Variants in F11 observed in about 807,000 individuals in gnomAD.
F11 encodes coagulation factor XI.
In F11, 78 loss-of-function variants were observed where a neutral mutation model predicts 76.5. The ratio of observed to expected loss-of-function variants is 1.02; its 90% confidence interval spans 0.85 to 1.23. F11 has a LOEUF of 1.23. Ranked by LOEUF, F11 falls within the 50% of genes most tolerant of loss-of-function variation. The pLI, the probability that F11 is intolerant of heterozygous loss-of-function variation, is 0.00. For missense variants in F11, 742 were observed against 771.4 expected (o/e 0.96, Z 0.45); for synonymous variants, 278 against 276.3 (o/e 1.01, Z -0.06).
At chr4:186,285,450 T>C (rs967545814) in intron 11 of F11, among the ~76,000 whole-genome samples, 188 bp from the exon 12 acceptor site, 4 of 152,134 alleles carry the variant, frequency 2.6e-5, no homozygotes, top group Non-Finnish European at 5.9e-5. Context: ...TTGTGTATAA[T>C]GGATTTTCTT....
chr4:186,269,817 T>C (rs1739800112), intron 2 of F11, among the ~76,000 whole-genome samples: 1 of 152,224 alleles, frequency 6.6e-6, no homozygotes, highest in South Asian at 2.1e-4. Flanking sequence ...CGAAAAATGC[T>C]TGCTAAAATT....
Position 186,277,067 on chromosome 4 carries a change from C to A in F11, c.755+677C>A, listed in dbSNP as rs183892311. 1.4e-4 allele frequency among the ~76,000 whole-genome samples: 21 copies of A among 152,274 alleles called. No individual in the cohort carries two copies. In the East Asian group the frequency reaches 3.9e-3, roughly 28 times the overall value. On this transcript the variant is annotated intron_variant, in intron 7 of 14. Coordinates refer to ENST00000403665, the MANE Select transcript of F11 (RefSeq NM_000128.4). ...GCCTCACCCTCCTCTATCCTCCCAA[C>A]TCTCTGAGTCTCCAATAGCTTTCAT... is the stretch of plus-strand genomic sequence containing the variant.
chr4:186,280,229 G>A lies in F11; in HGVS notation c.872G>A (p.Cys291Tyr). ...QSCRHSIPVFCHSSFYHDTDF... is the reference protein window; with the variant it reads ...QSCRHSIPVFYHSSFYHDTDF... The stretch of plus-strand genomic sequence containing the variant: ...CATGTGGTCTGCTGTCTAGTGTTCT[G>A]CCATTCTTCATTTTACCATGACACT... Residue 291 changes from cysteine to tyrosine, a missense_variant, in exon 9 of 15, where the codon TGC (cysteine) becomes TAC (tyrosine). Physicochemically the swap from Cys to Tyr is radical, Grantham distance 194. Transcript: ENST00000403665. 6.2e-7 allele frequency: 1 copy of A among 1,614,120 alleles called. No individual in the cohort carries two copies. Among genetic ancestry groups the A allele is most frequent in the Non-Finnish European group, 8.5e-7 (1 of 1,180,038 alleles).
chr4:186,285,899 C>A (rs963661140), intron 12 of F11, 86 bp downstream of exon 12: 3 of 1,367,380 alleles, frequency 2.2e-6, no homozygotes, highest in African/African-American at 2.9e-5. Flanking sequence ...CCTGACCCTG[C>A]CAATCTCTCC....
At chr4:186,272,847 T>C in intron 3 of F11, 3 of 467,012 alleles carry the variant, frequency 6.4e-6, no homozygotes, top group East Asian at 3.7e-5. Context: ...AGTTGACACA[T>C]TCCTGTTTGT....
rs181743139 is a variant in F11 at position 186,283,949 on chromosome 4, A to T, written c.1136-143A>T. 13 of 1,318,758 alleles carry T rather than the reference A, an allele frequency of 9.9e-6. No individual in the cohort carries two copies. In the East Asian group the frequency reaches 3.1e-4, roughly 31 times the overall value. 81.7% of individuals were successfully genotyped at this position (1,318,758 alleles called of 1,614,324 possible). A position where few individuals can be genotyped will look rare whatever the true frequency, so the allele number is the denominator to read the frequency against. On this transcript the variant is annotated intron_variant, in intron 10 of 14. Transcript: ENST00000403665. ...TTTCATGTGCATGTTTTGCTTTGGC[A>T]GCTTGATTATAAAGTCTCTGTAACT...
At chr4:186,280,856 C>CTTTTTTTT (rs33985758) in intron 10 of F11, among the ~76,000 whole-genome samples, 33 of 108,156 alleles carry the variant, frequency 3.1e-4, no homozygotes, top group Non-Finnish European at 4.1e-4. Context: ...TTCTTTCTTT[C>CTTTTTTTT]TTTTTTTTTT....
Position 186,288,512 on chromosome 4 carries a change from C to T in F11, c.1776C>T (p.Ile592=), listed in dbSNP as rs767574045. The change falls in exon 15 of 15, where the codon ATC becomes ATT. Residue 592 remains isoleucine, a synonymous_variant. Coordinates refer to ENST00000403665, the MANE Select transcript of F11 (RefSeq NM_000128.4). ...KHNEVWHLVG[I]TSWGEGCAQR... is the part of the protein sequence containing the mutation. The stretch of plus-strand genomic sequence containing the variant: ...ATGAGGTCTGGCATCTGGTAGGCAT[C>T]ACGAGCTGGGGCGAAGGCTGTGCTC... The T allele has an allele frequency of 1.2e-6, 2 of 1,614,168 alleles. No individual in the cohort carries two copies. The highest frequency in any genetic ancestry group is 1.7e-6 in the Non-Finnish European group (2 of 1,180,024).
chr4:186,289,917 G>A (rs943272212), downstream of F11, among the ~76,000 whole-genome samples: 3 of 151,996 alleles, frequency 2.0e-5, no homozygotes, highest in Non-Finnish European at 4.4e-5. Flanking sequence ...TCCTGACCTC[G>A]TGATCTGCCC....
chr4:186,286,264 A>G, intron 12 of F11, 151 bp from the exon 13 acceptor site: 1 of 752,608 alleles, frequency 1.3e-6, no homozygotes, highest in South Asian at 1.5e-5. Flanking sequence ...TATCGTGCTG[A>G]ACCTGAGGGA....
chr4:186,282,001 G>A (rs975407472), intron 10 of F11: 38 of 1,254,704 alleles, frequency 3.0e-5, no homozygotes, highest in African/African-American at 4.6e-5. Context: ...AGTCAATTAC[G>A]TCGTATCTCA....
intron 7 of F11, 93 bp downstream of exon 7, chr4:186,276,483 T>C (rs533952931): frequency 6.9e-6 from 10 of 1,440,464 alleles, no homozygotes; most frequent in Non-Finnish European, 9.7e-6. Context: ...AAAAATTTAC[T>C]CTAAATGTCA....
intron 10 of F11, chr4:186,282,906 GA>G: frequency 2.0e-6 from 2 of 984,840 alleles, no homozygotes; most frequent in African/African-American, 1.7e-5. Flanking sequence ...TCCTACCAAG[GA>G]AAAAAAGGCC....
At chr4:186,285,569 A>T in intron 11 of F11, 69 bp from the exon 12 acceptor site, 1 of 1,474,660 alleles carries the variant, frequency 6.8e-7, no homozygotes. Flanking sequence ...AAACAGCCAC[A>T]CACTTCACAA....
chr4:186,286,683 T>A (rs1741232322), intron 13 of F11, 173 bp downstream of exon 13: 1 of 985,308 alleles, frequency 1.0e-6, no homozygotes, highest in Admixed American at 6.1e-5. Context: ...GTGCCTCATA[T>A]GTTTGATTGG....
chr4:186,270,244 G>C (rs1364560791), intron 2 of F11, among the ~76,000 whole-genome samples: 2 of 152,154 alleles, frequency 1.3e-5, no homozygotes, highest in East Asian at 3.8e-4. Context: ...GTTCGCAAAA[G>C]CAGATGAACT....
chr4:186,282,169 C>T (rs925001375), intron 10 of F11: 2 of 1,124,334 alleles, frequency 1.8e-6, no homozygotes, highest in Non-Finnish European at 1.1e-6. Flanking sequence ...GGAATGAGCA[C>T]GTATACCTCA....
intron 7 of F11, among the ~76,000 whole-genome samples, chr4:186,277,546 T>C (rs1740476925): frequency 6.6e-6 from 1 of 152,164 alleles, no homozygotes; most frequent in African/African-American, 2.4e-5. Context: ...TTCAGTCCAA[T>C]GCTTTGTTTA....
chr4:186,282,370 A>C (rs1159659616), intron 10 of F11: 3 of 985,294 alleles, frequency 3.0e-6, no homozygotes, highest in African/African-American at 1.7e-5. Flanking sequence ...GAATTAGATA[A>C]CTAGGTTTTT....
Sources: gnomAD v4.1 joint callset for allele counts (sites outside exome capture counted in the v4.1 genomes callset) on GRCh38, gnomAD v4.1.1 for gene constraint, MANE v1.5 for transcripts, NCBI Gene and HGNC (gene_info 2026-07-23, HGNC 2026-07-21) for gene names.